MAGI2: variants seen among roughly 807,000 people sequenced by gnomAD.
The protein encoded by MAGI2 is membrane-associated guanylate kinase, WW and PDZ domain-containing protein 2.
In MAGI2, 35 loss-of-function variants were observed where a neutral mutation model predicts 133.3. The observed-to-expected ratio is 0.26, with a 90% CI of 0.20 to 0.35. The LOEUF is 0.35. MAGI2 is among the 10% of genes least tolerant of loss of function. MAGI2 has a pLI of 1.00. For synonymous variants in MAGI2, 729 were observed against 710.6 expected, an observed-to-expected ratio of 1.03 and a Z score of -0.41; for missense variants, 1,636 against 1,863.4, an observed-to-expected ratio of 0.88 and a Z score of 2.25.
intron 2 of MAGI2, among the ~76,000 whole-genome samples, chr7:78,782,085 A>C (rs994492252): frequency 6.6e-6 from 1 of 152,248 alleles, no homozygotes; most frequent in African/African-American, 2.4e-5. Flanking sequence ...TACCTTAAGA[A>C]AAAAGGTTCA....
At chr7:78,412,002 G>A (rs1797912488) in intron 6 of MAGI2, among the ~76,000 whole-genome samples, 1 of 151,864 alleles carries the variant, frequency 6.6e-6, no homozygotes, top group Non-Finnish European at 1.5e-5. Flanking sequence ...TTTCTTTATT[G>A]TAATAAAATC....
chr7:78,460,005 G>T (rs1000967771), intron 6 of MAGI2, among the ~76,000 whole-genome samples: 1 of 152,180 alleles, frequency 6.6e-6, no homozygotes, highest in Admixed American at 6.5e-5. Flanking sequence ...CATTTATTTT[G>T]CCTGTCTTCT....
chr7:78,972,806 A>G (rs1202860476), intron 2 of MAGI2, among the ~76,000 whole-genome samples: 1 of 151,906 alleles, frequency 6.6e-6, no homozygotes, highest in Non-Finnish European at 1.5e-5. Flanking sequence ...TTTCCTAAAA[A>G]ATTATATTCA....
chr7:78,032,046 T>C (rs1426583788), intron 21 of MAGI2, among the ~76,000 whole-genome samples: 1 of 150,448 alleles, frequency 6.6e-6, no homozygotes, highest in Admixed American at 6.6e-5. Flanking sequence ...TTCCGGCTGT[T>C]TAAAAAGAAA....
chr7:78,186,292 A>G (rs1003352681), intron 12 of MAGI2, among the ~76,000 whole-genome samples: 2 of 152,204 alleles, frequency 1.3e-5, no homozygotes, highest in African/African-American at 4.8e-5. Flanking sequence ...CACCTTTAAA[A>G]TGTAGGCATA....
chr7:79,411,729 G>A (rs1322574826), intron 1 of MAGI2: 3 of 152,070 alleles, frequency 2.0e-5, no homozygotes, highest in African/African-American at 7.2e-5. Context: ...ATAGTAGGTA[G>A]GAAAATAACA....
chr7:79,101,290 T>A (rs768746763), intron 1 of MAGI2, among the ~76,000 whole-genome samples: 20 of 152,164 alleles, frequency 1.3e-4, no homozygotes, highest in Non-Finnish European at 1.5e-5. Flanking sequence ...ATCAGTTACT[T>A]ACTGAACATC....
At chr7:78,674,153 G>T (rs1814725271) in intron 2 of MAGI2, among the ~76,000 whole-genome samples, 1 of 151,918 alleles carries the variant, frequency 6.6e-6, no homozygotes, top group Non-Finnish European at 1.5e-5. Context: ...GTAGTTGAAA[G>T]TTAATCAGGA....
At chr7:78,970,327 G>C (rs568836436) in intron 2 of MAGI2, among the ~76,000 whole-genome samples, 1 of 152,070 alleles carries the variant, frequency 6.6e-6, no homozygotes, top group South Asian at 2.1e-4. Flanking sequence ...GCCCCTTTAA[G>C]AGATATTTGT....
At chr7:79,352,991 A>T (rs6956190) in intron 1 of MAGI2, among the ~76,000 whole-genome samples, 3 of 151,902 alleles carry the variant, frequency 2.0e-5, no homozygotes, top group Admixed American at 2.0e-4. Context: ...TCATCCTCTC[A>T]TCTACCCTGT....
chr7:78,998,179 A>G (rs1562767857), intron 2 of MAGI2, among the ~76,000 whole-genome samples: 2 of 152,166 alleles, frequency 1.3e-5, no homozygotes, highest in Non-Finnish European at 2.9e-5. Context: ...AACTGCACTT[A>G]ATTTAAACGC....
intron 1 of MAGI2, among the ~76,000 whole-genome samples, chr7:79,068,556 T>A (rs188095785): frequency 4.9e-5 from 7 of 141,584 alleles, no homozygotes; most frequent in Admixed American, 4.8e-4. Context: ...GATTAATTGA[T>A]TTTTTGAAGG....
chr7:79,287,303 C>T (rs10808182), intron 1 of MAGI2, among the ~76,000 whole-genome samples: 128,040 of 152,098 alleles, frequency 0.84, 53,970 homozygotes, highest in Middle Eastern at 0.86. Context: ...TGTTTCCCTC[C>T]GCAGGGCTTC....
At chr7:78,641,220 G>T (rs1810270127) in intron 2 of MAGI2, among the ~76,000 whole-genome samples, 1 of 152,134 alleles carries the variant, frequency 6.6e-6, no homozygotes, top group African/African-American at 2.4e-5. Context: ...TCTCATAGCA[G>T]TGTAAGAATG....
chr7:79,402,772 G>A (rs1845558491), intron 1 of MAGI2, among the ~76,000 whole-genome samples: 2 of 152,094 alleles, frequency 1.3e-5, no homozygotes, highest in African/African-American at 4.8e-5. Context: ...GACCGGCCTG[G>A]GCAACATAGC....
chr7:79,312,973 C>A (rs1262926690), intron 1 of MAGI2, among the ~76,000 whole-genome samples: 1 of 152,086 alleles, frequency 6.6e-6, no homozygotes, highest in Non-Finnish European at 1.5e-5. Flanking sequence ...TTTCTAAATA[C>A]CTGGGGAGAG....
chr7:78,478,836 C>T (rs530643080), intron 6 of MAGI2, among the ~76,000 whole-genome samples: 1 of 151,954 alleles, frequency 6.6e-6, no homozygotes, highest in Non-Finnish European at 1.5e-5. Context: ...GAATGGACAA[C>T]AGGCATCAAC....
chr7:79,368,278 A>G (rs1020565498), intron 1 of MAGI2, among the ~76,000 whole-genome samples: 4 of 152,064 alleles, frequency 2.6e-5, no homozygotes, highest in African/African-American at 9.7e-5. Flanking sequence ...ATTAGCAGAA[A>G]TCCTAGTGAA....
intron 2 of MAGI2, among the ~76,000 whole-genome samples, chr7:78,986,005 C>T (rs1805227284): frequency 6.6e-6 from 1 of 152,058 alleles, no homozygotes; most frequent in Non-Finnish European, 1.5e-5. Context: ...ACATTCTCCA[C>T]ACTGTATTTT....
Sources: allele counts gnomAD v4.1 joint callset (sites outside exome capture counted in the v4.1 genomes callset), GRCh38; gene constraint gnomAD v4.1.1; transcripts MANE v1.5; gene names NCBI Gene and HGNC (gene_info 2026-07-23, HGNC 2026-07-21).